Variants in AGTPBP1 observed in about 807,000 individuals in gnomAD.
The protein encoded by AGTPBP1 is ATP/GTP binding carboxypeptidase 1, also known as cytosolic carboxypeptidase 1.
AGTPBP1 carries 70 observed loss-of-function variants against 143.9 expected under a neutral mutation model. That is an observed-to-expected ratio of 0.49 (90% confidence interval 0.40 to 0.59). The LOEUF (loss-of-function observed/expected upper bound fraction) is 0.59. Among genes scored for constraint, AGTPBP1 ranks in the 20% least tolerant of loss-of-function variants. The pLI, the probability that AGTPBP1 is intolerant of heterozygous loss-of-function variation, is 0.00. For missense variants in AGTPBP1, 1,229 were observed against 1,464.5 expected, an observed-to-expected ratio of 0.84 and a Z score of 2.62; for synonymous variants, 463 against 500.2, an observed-to-expected ratio of 0.93 and a Z score of 0.99.
At chr9:85,730,908 G>C (rs536495185) in intron 1 of AGTPBP1, among the ~76,000 whole-genome samples, 1 of 152,244 alleles carries the variant, frequency 6.6e-6, no homozygotes, top group East Asian at 1.9e-4. Context: ...TCTATCTCCT[G>C]ATTGAACCCA....
chr9:85,664,552 T>G (rs1291407967), intron 8 of AGTPBP1, among the ~76,000 whole-genome samples: 2 of 152,174 alleles, frequency 1.3e-5, no homozygotes, highest in Admixed American at 6.6e-5. Context: ...CTCATCAAAC[T>G]GTACACTTTG....
chr9:85,670,970 C>T (rs1834443658), intron 7 of AGTPBP1, among the ~76,000 whole-genome samples: 1 of 152,056 alleles, frequency 6.6e-6, no homozygotes, highest in Non-Finnish European at 1.5e-5. Context: ...GAGACAGGGT[C>T]CTGCTGTGTT....
At chr9:85,702,001 T>C (rs775453744) in intron 2 of AGTPBP1, among the ~76,000 whole-genome samples, 1 of 152,226 alleles carries the variant, frequency 6.6e-6, no homozygotes, top group Non-Finnish European at 1.5e-5. Flanking sequence ...TTGCCCCATA[T>C]AATGTTATCT....
At chr9:85,760,045 T>C in the AGTPBP1 span, among the ~76,000 whole-genome samples, 2 of 152,178 alleles carry the variant, frequency 1.3e-5, no homozygotes, top group South Asian at 2.1e-4. Flanking sequence ...CCTGGACACG[T>C]ACACCCTCCC....
chr9:85,547,799 A>G (rs1247706705), intron 25 of AGTPBP1, among the ~76,000 whole-genome samples: 1 of 152,230 alleles, frequency 6.6e-6, no homozygotes, highest in Admixed American at 6.5e-5. Context: ...TAGGTCAAGA[A>G]TAAAACTGAA....
At chr9:85,724,286 CAAAAAAAAAA>C (rs56269636) in intron 1 of AGTPBP1, among the ~76,000 whole-genome samples, 4 of 77,786 alleles carry the variant, frequency 5.1e-5, no homozygotes, top group African/African-American at 1.3e-4. Context: ...GACTTTGTCT[CAAAAAAAAAA>C]AAAAAAAAAG....
intron 2 of AGTPBP1, among the ~76,000 whole-genome samples, chr9:85,700,583 G>A (rs1490835676): frequency 6.6e-6 from 1 of 152,162 alleles, no homozygotes; most frequent in East Asian, 1.9e-4. Flanking sequence ...TACCACACTA[G>A]GCATAGCCAT....
At chr9:85,562,370 A>G (rs915403162) in intron 25 of AGTPBP1, among the ~76,000 whole-genome samples, 1 of 152,228 alleles carries the variant, frequency 6.6e-6, no homozygotes, top group African/African-American at 2.4e-5. Flanking sequence ...TCTGCTTAAA[A>G]GACATATTTA....
chr9:85,625,026 C>T (rs1831183503), intron 14 of AGTPBP1, among the ~76,000 whole-genome samples: 1 of 152,160 alleles, frequency 6.6e-6, no homozygotes, highest in Non-Finnish European at 1.5e-5. Flanking sequence ...TTTAACTAGT[C>T]CTTGACAAAT....
rs189443928 is a variant in AGTPBP1, at chr9:85,598,273, C to T, written c.2336-1824G>A. 1.6e-3 allele frequency among the ~76,000 whole-genome samples: 248 copies of T among 152,044 alleles called. 1 individual carries two copies. The highest frequency in any genetic ancestry group is 4.8e-3 in the African/African-American group (200 of 41,448). ...TTTTTTAAAGTGTATTTCCAGGATA[C>T]CACTAACTTATAATTCTAATTTGGA... On this transcript the variant is annotated intron_variant, in intron 17 of 25. Transcript: ENST00000357081.
chr9:85,572,677 C>G (rs1827584718), intron 25 of AGTPBP1, among the ~76,000 whole-genome samples: 1 of 152,118 alleles, frequency 6.6e-6, no homozygotes, highest in Non-Finnish European at 1.5e-5. Flanking sequence ...TTCAGTATAT[C>G]TAAAGCACCA....
intron 2 of AGTPBP1, among the ~76,000 whole-genome samples, chr9:85,704,768 A>C (rs1171996797): frequency 6.6e-6 from 1 of 152,214 alleles, no homozygotes; most frequent in African/African-American, 2.4e-5. Context: ...AACAATCAAA[A>C]TGAACAAAGA....
At chr9:85,795,971 G>A in the AGTPBP1 span, among the ~76,000 whole-genome samples, 1 of 150,362 alleles carries the variant, frequency 6.7e-6, no homozygotes, top group Admixed American at 6.7e-5. Flanking sequence ...GAGATGGTTG[G>A]AGAGTGGAGG....
At chr9:85,755,695 T>C in the AGTPBP1 span, among the ~76,000 whole-genome samples, 1 of 152,112 alleles carries the variant, frequency 6.6e-6, no homozygotes, top group Non-Finnish European at 1.5e-5. Context: ...GAACTCAAGT[T>C]GGGGAGATAG....
chr9:85,658,281 T>A (rs886333955), intron 9 of AGTPBP1, among the ~76,000 whole-genome samples: 5 of 152,184 alleles, frequency 3.3e-5, no homozygotes, highest in Non-Finnish European at 5.9e-5. Context: ...TTTCTGGCTT[T>A]CTAGTCATTA....
intron 2 of AGTPBP1, among the ~76,000 whole-genome samples, chr9:85,694,097 G>C (rs1488861832): frequency 6.6e-6 from 1 of 152,186 alleles, no homozygotes; most frequent in Non-Finnish European, 1.5e-5. Context: ...TTAGAGGCTT[G>C]TAGGCCATTT....
chr9:85,713,670 T>C (rs942439333), intron 1 of AGTPBP1, among the ~76,000 whole-genome samples: 2 of 152,242 alleles, frequency 1.3e-5, no homozygotes, highest in East Asian at 1.9e-4. Flanking sequence ...ATTTGGAAGA[T>C]ACTCTGATGA....
rs74318168 is a variant in AGTPBP1 at position 85,642,115 on chromosome 9, G to C, written c.1302+712C>G. ...ATGAAATTTGGGGAACAAAGGAAGG[G>C]CTAAACAAATCTTAGAGATTATCTA... On this transcript the variant is annotated intron_variant, in intron 13 of 25. Coordinates refer to ENST00000357081, the MANE Select transcript of AGTPBP1 (RefSeq NM_001330701.2). 9.0e-3 allele frequency among the ~76,000 whole-genome samples: 1,368 copies of C among 152,194 alleles called. 15 individuals carry two copies. The highest frequency in any genetic ancestry group is 0.032 in the African/African-American group (1,310 of 41,520).
chr9:85,585,709 G>T, intron 22 of AGTPBP1, 115 bp from the exon 23 acceptor site: 1 of 759,232 alleles, frequency 1.3e-6, no homozygotes, highest in Non-Finnish European at 1.9e-6. Context: ...TCTTTTTATT[G>T]TAAAAGAACC....
Sources: gnomAD v4.1 joint callset for allele counts (sites outside exome capture counted in the v4.1 genomes callset) on GRCh38, gnomAD v4.1.1 for gene constraint, MANE v1.5 for transcripts, NCBI Gene and HGNC (gene_info 2026-07-23, HGNC 2026-07-21) for gene names.